The following ERC1 variants were observed in gnomAD, a reference collection of about 807,000 sequenced individuals.
The protein encoded by ERC1 is ELKS/RAB6-interacting/CAST family member 1.
In ERC1, 56 loss-of-function variants were observed where a neutral mutation model predicts 132.0. That is an observed-to-expected ratio of 0.42 (90% CI 0.34 to 0.53). The LOEUF is 0.53. ERC1 is among the 20% of genes least tolerant of loss of function. The pLI, the probability that ERC1 is intolerant of heterozygous loss-of-function variation, is 0.03. For missense variants in ERC1, 1,202 were observed against 1,349.9 expected, an observed-to-expected ratio of 0.89 and a Z score of 1.72; for synonymous variants, 478 against 476.1, an observed-to-expected ratio of 1.00 and a Z score of -0.05.
At position 991,262 on chromosome 12, in the gene ERC1, T is replaced by C. The variant is rs868143455; in HGVS notation, c.-217T>C. 5.9e-4 allele frequency: 74 copies of C among 125,318 alleles called. No individual in the cohort carries two copies. The highest frequency in any genetic ancestry group is 4.1e-3 in the Middle Eastern group (1 of 244). The allele number at this position is 125,318 out of a possible 1,614,324, so 7.8% of individuals were successfully genotyped here. A position where few individuals can be genotyped will look rare whatever the true frequency, so the allele number is the denominator to read the frequency against. On this transcript the variant is annotated 5_prime_UTR_variant, in exon 1 of 19. Transcript: ENST00000360905. Reference sequence around the variant, plus strand: ...CGTGCTGTGGCGGCGGCGGCGGCGGTAGTGGCGGCGGCGGCGGTGCCTGGG... The same window carrying C: ...CGTGCTGTGGCGGCGGCGGCGGCGGCAGTGGCGGCGGCGGCGGTGCCTGGG...
rs184238844 is a variant in ERC1 at position 1,315,360 on chromosome 12, T to C, written c.2780+25348T>C. Among the ~76,000 whole-genome samples the C allele has an allele frequency of 2.0e-3, 306 of 152,162 alleles. 2 individuals carry two copies. Among genetic ancestry groups the C allele is most frequent in the Admixed American group, 5.4e-3 (83 of 15,290 alleles). On this transcript the variant is annotated intron_variant, in intron 15 of 18. Coordinates refer to ENST00000360905, the MANE Select transcript of ERC1 (RefSeq NM_178040.4). ...ACAGTTTTTTTGTTTTGTTTTGTTT[T>C]GTTTTTTTGAGATGAAGCCTTGCTC...
At chr12:1,065,637 T>G (rs1215333917) in intron 2 of ERC1, among the ~76,000 whole-genome samples, 1 of 151,944 alleles carries the variant, frequency 6.6e-6, no homozygotes, top group African/African-American at 2.4e-5. Context: ...TTAATTGAGT[T>G]TCTTTTGAGG....
At chr12:1,091,343 G>A (rs1943194376) in intron 3 of ERC1, among the ~76,000 whole-genome samples, 2 of 152,170 alleles carry the variant, frequency 1.3e-5, no homozygotes, top group African/African-American at 4.8e-5. Context: ...GTGTCCTTTA[G>A]TAGGTACCCT....
intron 16 of ERC1, among the ~76,000 whole-genome samples, chr12:1,396,711 A>G (rs1358528671): frequency 6.6e-6 from 1 of 152,214 alleles, no homozygotes; most frequent in Non-Finnish European, 1.5e-5. Context: ...GTGTGAGCCT[A>G]TGCAGCAGCT....
rs767601504 is a variant in ERC1, at chr12:1,028,252, G to C, written c.349G>C (p.Gly117Arg). ...TAGTAGCCCCAATATAGCTAGCAGT[G>C]GGGTTGCTAGTGACACCATAGCATT... ...MGSSPNIASS[G>R]VASDTIAFGE... Residue 117 changes from glycine to arginine, a missense_variant, in exon 2 of 19, where the codon GGG becomes CGG. Transcript: ENST00000360905. 6.2e-7 allele frequency: 1 copy of C among 1,614,086 alleles called. No individual in the cohort carries two copies. The highest frequency in any genetic ancestry group is 8.5e-7 in the Non-Finnish European group (1 of 1,180,016).
At chr12:1,186,840 T>A (rs1955147559) in intron 11 of ERC1, among the ~76,000 whole-genome samples, 1 of 152,228 alleles carries the variant, frequency 6.6e-6, no homozygotes, top group Admixed American at 6.5e-5. Flanking sequence ...TATCTTCATT[T>A]ATTTTTTTGT....
intron 2 of ERC1, among the ~76,000 whole-genome samples, chr12:1,070,435 A>C (rs548791032): frequency 3.9e-4 from 59 of 151,886 alleles, no homozygotes; most frequent in South Asian, 2.1e-3. Flanking sequence ...CTATAGATGC[A>C]TGCCACTGTG....
intron 7 of ERC1, among the ~76,000 whole-genome samples, chr12:1,130,294 G>A (rs1396827559): frequency 6.6e-6 from 1 of 152,096 alleles, no homozygotes; most frequent in African/African-American, 2.4e-5. Context: ...AGCCCAGGAG[G>A]GTTTTCACAT....
At chr12:1,005,931 T>C (rs1207083805) in intron 1 of ERC1, among the ~76,000 whole-genome samples, 1 of 151,804 alleles carries the variant, frequency 6.6e-6, no homozygotes, top group Non-Finnish European at 1.5e-5. Context: ...TTTTTGAGAT[T>C]CTTAACAGTT....
At chr12:1,366,059 G>A (rs149227139) in intron 15 of ERC1, among the ~76,000 whole-genome samples, 161 of 152,268 alleles carry the variant, frequency 1.1e-3, no homozygotes, top group African/African-American at 3.4e-3. Context: ...CCAGAGGCTG[G>A]GGGAGGGGAA....
At chr12:1,034,247 A>G (rs540445455) in intron 2 of ERC1, among the ~76,000 whole-genome samples, 18 of 152,236 alleles carry the variant, frequency 1.2e-4, no homozygotes, top group African/African-American at 4.3e-4. Flanking sequence ...GTTTGATTTA[A>G]TTGAAAAGTG....
intron 13 of ERC1, among the ~76,000 whole-genome samples, chr12:1,259,787 T>G (rs1566412783): frequency 6.6e-6 from 1 of 152,192 alleles, no homozygotes; most frequent in Admixed American, 6.5e-5. Context: ...CCTCCCAAAG[T>G]GCTGGGATTG....
chr12:1,292,861 A>G (rs1222993782), intron 15 of ERC1, among the ~76,000 whole-genome samples: 6 of 151,984 alleles, frequency 3.9e-5, no homozygotes, highest in South Asian at 4.1e-4. Flanking sequence ...AAATATAAAA[A>G]ATTGGCTGGA....
chr12:1,221,839 T>A (rs1244021861), intron 12 of ERC1, among the ~76,000 whole-genome samples: 1 of 151,992 alleles, frequency 6.6e-6, no homozygotes, highest in Non-Finnish European at 1.5e-5. Flanking sequence ...TGAGAGAGAG[T>A]GTGTGTATGT....
At chr12:1,131,947 T>C (rs1948807087) in intron 7 of ERC1, among the ~76,000 whole-genome samples, 1 of 152,178 alleles carries the variant, frequency 6.6e-6, no homozygotes, top group South Asian at 2.1e-4. Flanking sequence ...GCAGCTCTGC[T>C]GGTGTGAATA....
At chr12:1,062,675 A>G (rs1324782571) in intron 2 of ERC1, among the ~76,000 whole-genome samples, 1 of 152,184 alleles carries the variant, frequency 6.6e-6, no homozygotes, top group Non-Finnish European at 1.5e-5. Context: ...AGGAGAATGT[A>G]TATTCTGTAG....
At chr12:991,063 G>C (rs1445219685), upstream of ERC1, 1 of 151,662 alleles carries the variant, frequency 6.6e-6, no homozygotes, top group Non-Finnish European at 1.5e-5. Context: ...GCGTGCCCCG[G>C]AAGGCGCCCG....
At chr12:1,448,735 G>A (rs2093361682) in intron 18 of ERC1, among the ~76,000 whole-genome samples, 1 of 152,236 alleles carries the variant, frequency 6.6e-6, no homozygotes, top group African/African-American at 2.4e-5. Context: ...CTTTTTCAAT[G>A]CTAGGGCAGT....
chr12:1,493,548 A>AAAAAAAATATATATATAT lies in ERC1; in HGVS notation c.*3319_*3320insAAAAAATATATATATATA, dbSNP rs56939346. ...ACTCCATTTAAAAAAAAAAAAAAAAAATATATATATATATATATATATATA... is the reference window on the plus strand; with the variant it reads ...ACTCCATTTAAAAAAAAAAAAAAAAAAAAAAAATATATATATATATATATATATATATATATATATATA... On this transcript the variant is annotated 3_prime_UTR_variant, in exon 19 of 19. Transcript: ENST00000360905. 2.7e-3 allele frequency: 37 copies of AAAAAAAATATATATATAT among 13,614 alleles called. 1 individual carries two copies. The highest frequency in any genetic ancestry group is 4.8e-3 in the Non-Finnish European group (33 of 6,822). The allele number at this position is 13,614 out of a possible 1,614,324, so 0.8% of individuals were successfully genotyped here.
Sources: gnomAD v4.1 joint callset for allele counts (sites outside exome capture counted in the v4.1 genomes callset) on GRCh38, gnomAD v4.1.1 for gene constraint, MANE v1.5 for transcripts, NCBI Gene and HGNC (gene_info 2026-07-23, HGNC 2026-07-21) for gene names.